SMR3B: variants seen among roughly 807,000 people sequenced by gnomAD.
SMR3B encodes the protein submaxillary gland androgen-regulated protein 3B.
For synonymous variants in SMR3B, 42 were observed against 36.1 expected (o/e 1.16, Z -0.59); for missense variants, 114 against 99.9 (o/e 1.14, Z -0.60).
chr4:70,384,470 C>G (rs1732619343), intron 1 of SMR3B, 27 bp from the exon 2 acceptor site: 1 of 1,589,366 alleles, frequency 6.3e-7, no homozygotes, highest in Non-Finnish European at 8.5e-7. Flanking sequence ...AACAATCATA[C>G]TGATCACCTA....
In SMR3B at chr4:70,389,710, G is replaced by T; in HGVS notation, c.102G>T (p.Pro34=). 6.2e-7 allele frequency: 1 copy of T among 1,613,944 alleles called. No individual in the cohort carries two copies. The highest frequency in any genetic ancestry group is 2.2e-5 in the East Asian group (1 of 44,862). ...CCAGGGGACCATATCCACCTGGACCGCTGGCTCCTCCTCAACCTTTTGGCC... is the reference window on the plus strand; with the variant it reads ...CCAGGGGACCATATCCACCTGGACCTCTGGCTCCTCCTCAACCTTTTGGCC... ...RGPRGPYPPG[P]LAPPQPFGPG... Residue 34 remains proline (P), a synonymous_variant, in exon 3 of 3, where the codon CCG becomes CCT. Transcript: ENST00000304915.
At chr4:70,388,608 C>T (rs73824667) in intron 2 of SMR3B, among the ~76,000 whole-genome samples, 4,772 of 152,244 alleles carry the variant, frequency 0.031, 216 homozygotes, top group African/African-American at 0.1. Flanking sequence ...CCAACCTCTA[C>T]GTGCCAGAAG....
chr4:70,386,836 G>A (rs1469535158), intron 2 of SMR3B, among the ~76,000 whole-genome samples: 5 of 152,098 alleles, frequency 3.3e-5, no homozygotes, highest in African/African-American at 9.7e-5. Flanking sequence ...TTGTTTTCTT[G>A]ACAATTAAAA....
intron 2 of SMR3B, among the ~76,000 whole-genome samples, chr4:70,385,398 GTTTT>G (rs71210170): frequency 5.6e-5 from 6 of 107,050 alleles, no homozygotes; most frequent in South Asian, 6.4e-4. Context: ...CATCTACTTT[GTTTT>G]TTTTTTTTTT....
intron 2 of SMR3B, among the ~76,000 whole-genome samples, chr4:70,387,853 G>A (rs776848252): frequency 6.6e-6 from 1 of 152,128 alleles, no homozygotes; most frequent in South Asian, 2.1e-4. Flanking sequence ...ACTGAAGGAC[G>A]CTAACTTTCT....
chr4:70,385,590 G>T (rs911790243), intron 2 of SMR3B, among the ~76,000 whole-genome samples: 1 of 151,736 alleles, frequency 6.6e-6, no homozygotes, highest in African/African-American at 2.4e-5. Context: ...ATTTTTAGTA[G>T]AGACGGGGTT....
rs1732733237 is a variant in SMR3B at position 70,389,894 on chromosome 4, T to C, written c.*46T>C. The C allele has an allele frequency of 6.2e-7, 1 of 1,610,256 alleles. No homozygotes were observed. Among genetic ancestry groups the C allele is most frequent in the African/African-American group, 1.3e-5 (1 of 74,764 alleles). On this transcript the variant is annotated 3_prime_UTR_variant, in exon 3 of 3. Coordinates refer to ENST00000304915, the MANE Select transcript of SMR3B (RefSeq NM_006685.4). ...TGCCCCAGGTTATCCACAGCCTCCT[T>C]CCCGACCAAGACCCTATCCACCTGG...
intron 2 of SMR3B, among the ~76,000 whole-genome samples, chr4:70,387,050 G>T (rs1732678197): frequency 6.6e-6 from 1 of 152,174 alleles, no homozygotes; most frequent in South Asian, 2.1e-4. Flanking sequence ...CAGAAGCCAG[G>T]TTGAAGAGCA....
Position 70,389,973 on chromosome 4 carries a change from C to A in SMR3B, c.*125C>A, listed in dbSNP as rs1329513465. On this transcript the variant is annotated 3_prime_UTR_variant, in exon 3 of 3. Coordinates refer to ENST00000304915, the MANE Select transcript of SMR3B (RefSeq NM_006685.4). ...ACTGATCCTACCCTCCCTACTCCTG[C>A]ACCCCAAATATGAACAACTGCAGCA... 1.9e-6 allele frequency: 3 copies of A among 1,564,350 alleles called. No homozygotes were observed. Among genetic ancestry groups the A allele is most frequent in the Non-Finnish European group, 2.6e-6 (3 of 1,135,192 alleles).
intron 2 of SMR3B, among the ~76,000 whole-genome samples, chr4:70,385,506 C>G (rs1286295119): frequency 6.7e-6 from 1 of 150,290 alleles, no homozygotes; most frequent in Non-Finnish European, 1.5e-5. Context: ...CGGGTTCGCG[C>G]CATTCTCCTG....
rs769246633 is a variant in SMR3B, at chr4:70,389,716, T to C, written c.108T>C (p.Ala36=). ...PRGPYPPGPL[A]PPQPFGPGFV... The stretch of plus-strand genomic sequence containing the variant: ...GACCATATCCACCTGGACCGCTGGC[T>C]CCTCCTCAACCTTTTGGCCCAGGAT... The change falls in exon 3 of 3, where the codon GCT becomes GCC. Residue 36 remains alanine, a synonymous_variant. Transcript: ENST00000304915. 6.2e-7 allele frequency: 1 copy of C among 1,614,082 alleles called. No homozygotes were observed. The highest frequency in any genetic ancestry group is 1.1e-5 in the South Asian group (1 of 91,066).
At chr4:70,383,769 T>C (rs1732603916) in intron 1 of SMR3B, among the ~76,000 whole-genome samples, 1 of 152,148 alleles carries the variant, frequency 6.6e-6, no homozygotes, top group African/African-American at 2.4e-5. Context: ...ATTTGCACCA[T>C]GGTGTATGGA....
intron 2 of SMR3B, among the ~76,000 whole-genome samples, chr4:70,386,083 G>A (rs1196729912): frequency 6.6e-6 from 1 of 151,620 alleles, no homozygotes; most frequent in Admixed American, 6.6e-5. Context: ...GGCCAGCTTG[G>A]CCAACATGGT....
chr4:70,385,496 C>T lies in SMR3B; in HGVS notation c.54+932C>T, dbSNP rs183359442. On this transcript the variant is annotated intron_variant, in intron 2 of 2. Coordinates refer to ENST00000304915, the MANE Select transcript of SMR3B (RefSeq NM_006685.4). ...TCGGCTCACTGCAAGCTCCGCCTCC[C>T]GGGTTCGCGCCATTCTCCTGCCTCA... 5.4e-5 allele frequency among the ~76,000 whole-genome samples: 8 copies of T among 148,320 alleles called. No individual in the cohort carries two copies. The East Asian group carries it at 1.4e-3, about 26-fold the overall frequency.
intron 2 of SMR3B, among the ~76,000 whole-genome samples, chr4:70,385,670 C>T (rs550616259): frequency 3.9e-4 from 59 of 151,954 alleles, no homozygotes; most frequent in African/African-American, 1.4e-3. Flanking sequence ...TCCCAAAGTG[C>T]TGGGATTACA....
At chr4:70,383,479 T>C (rs2109759547) in intron 1 of SMR3B, among the ~76,000 whole-genome samples, 1 of 152,286 alleles carries the variant, frequency 6.6e-6, no homozygotes, top group East Asian at 1.9e-4. Context: ...TTCCTCCTGA[T>C]GTACCTTAAA....
chr4:70,383,820 T>C (rs555932477), intron 1 of SMR3B, among the ~76,000 whole-genome samples: 9 of 152,276 alleles, frequency 5.9e-5, no homozygotes, highest in Non-Finnish European at 1.0e-4. Flanking sequence ...ACTTGAAATA[T>C]ATTGTAAAAT....
intron 1 of SMR3B, among the ~76,000 whole-genome samples, chr4:70,384,241 C>A (rs1732615686): frequency 6.6e-6 from 1 of 152,088 alleles, no homozygotes; most frequent in Non-Finnish European, 1.5e-5. Flanking sequence ...AATGTATGAA[C>A]AACTCTTTGG....
intron 2 of SMR3B, 156 bp downstream of exon 2, chr4:70,384,720 T>C: frequency 7.1e-7 from 1 of 1,413,400 alleles, no homozygotes; most frequent in East Asian, 2.5e-5. Flanking sequence ...AAATTTAAAA[T>C]CTAATTTAAA....
Sources: gnomAD v4.1 joint callset for allele counts (sites outside exome capture counted in the v4.1 genomes callset) on GRCh38, gnomAD v4.1.1 for gene constraint, MANE v1.5 for transcripts, NCBI Gene and HGNC (gene_info 2026-07-23, HGNC 2026-07-21) for gene names.